The following BABAM2 variants were observed in gnomAD, a reference collection of about 807,000 sequenced individuals.
BABAM2 encodes BRISC and BRCA1-A complex member 2.
A neutral mutation model predicts 54.7 loss-of-function variants in BABAM2; 31 were observed. That is an observed-to-expected ratio of 0.57 (90% CI 0.43 to 0.77). The LOEUF (loss-of-function observed/expected upper bound fraction) is 0.77, where lower values mean the gene tolerates loss of function less well. Among genes scored for constraint, BABAM2 ranks in the 30% least tolerant of loss-of-function variants. The pLI is 0.00. For synonymous variants in BABAM2, 167 were observed against 162.9 expected (o/e 1.03, Z -0.19); for missense variants, 364 against 455.8 (o/e 0.80, Z 1.83).
At chr2:28,097,000 G>T (rs1386840537) in intron 6 of BABAM2, among the ~76,000 whole-genome samples, 1 of 152,132 alleles carries the variant, frequency 6.6e-6, no homozygotes, top group East Asian at 1.9e-4. Context: ...TCTGTGGGTT[G>T]GGATAGGCCA....
At chr2:28,026,824 ATATATATAAATATATATAAATATATATT>A (rs1330719737) in intron 5 of BABAM2, among the ~76,000 whole-genome samples, 22 of 66,304 alleles carry the variant, frequency 3.3e-4, no homozygotes, top group Admixed American at 1.8e-3. Context: ...ATATATATTT[ATATATATAAATATATATAAATATATATT>A]TATATATATA....
At chr2:27,962,031 C>G (rs1670511330) in intron 3 of BABAM2, among the ~76,000 whole-genome samples, 1 of 152,012 alleles carries the variant, frequency 6.6e-6, no homozygotes, top group East Asian at 1.9e-4. Flanking sequence ...TGCCTGGCCC[C>G]CCTTAATTAT....
intron 6 of BABAM2, among the ~76,000 whole-genome samples, chr2:28,077,833 C>T (rs1464900456): frequency 6.6e-6 from 1 of 152,082 alleles, no homozygotes; most frequent in African/African-American, 2.4e-5. Flanking sequence ...CAATGTTGAA[C>T]ATAGTTTTCA....
intron 11 of BABAM2, chr2:28,310,250 G>A: frequency 3.2e-6 from 4 of 1,242,778 alleles, no homozygotes; most frequent in Middle Eastern, 1.9e-4. Flanking sequence ...TGCCAATACA[G>A]CCCTCATCCC....
intron 5 of BABAM2, among the ~76,000 whole-genome samples, chr2:28,034,729 A>G (rs142667539): frequency 2.0e-5 from 3 of 152,312 alleles, no homozygotes; most frequent in African/African-American, 7.2e-5. Context: ...AAGGAAAGGC[A>G]ATAGGTTTAG....
At chr2:27,901,083 T>C (rs1413983666) in intron 2 of BABAM2, among the ~76,000 whole-genome samples, 1 of 151,732 alleles carries the variant, frequency 6.6e-6, no homozygotes, top group Non-Finnish European at 1.5e-5. Flanking sequence ...GTAAAGTGTA[T>C]TATCTAATAC....
At chr2:28,106,289 CATT>C in intron 6 of BABAM2, among the ~76,000 whole-genome samples, 1 of 152,212 alleles carries the variant, frequency 6.6e-6, no homozygotes, top group African/African-American at 2.4e-5. Flanking sequence ...CATTTATCAT[CATT>C]GTTATTTTTT....
At chr2:28,202,063 G>A (rs1037786737) in intron 7 of BABAM2, among the ~76,000 whole-genome samples, 4 of 152,116 alleles carry the variant, frequency 2.6e-5, no homozygotes, top group Admixed American at 6.5e-5. Flanking sequence ...TTTAGAACTG[G>A]GAGTGCTCAG....
chr2:28,291,630 A>G (rs1410086947), intron 10 of BABAM2, among the ~76,000 whole-genome samples: 2 of 152,318 alleles, frequency 1.3e-5, no homozygotes, highest in African/African-American at 2.4e-5. Context: ...ATTTGTTTAC[A>G]TGATCATATC....
chr2:28,151,940 G>T (rs762696233), intron 7 of BABAM2, among the ~76,000 whole-genome samples: 7 of 152,158 alleles, frequency 4.6e-5, no homozygotes, highest in Non-Finnish European at 1.0e-4. Flanking sequence ...CAGAGAGTGG[G>T]CAGGTTTGCA....
rs553403811 is a variant in BABAM2, at chr2:28,167,672, C to T, written c.680+38292C>T. On this transcript the variant is annotated intron_variant, in intron 7 of 11. Coordinates refer to ENST00000379624, the MANE Select transcript of BABAM2 (RefSeq NM_199191.3). ...TCACGCCACTACACTCCAGCCTGGGCGACAGAGCGAGACTCCATCTCAAAA... is the reference window on the plus strand; with the variant it reads ...TCACGCCACTACACTCCAGCCTGGGTGACAGAGCGAGACTCCATCTCAAAA... 8.1e-5 allele frequency among the ~76,000 whole-genome samples: 12 copies of T among 148,206 alleles called. No homozygotes were observed. The South Asian group carries it at 1.5e-3, about 18-fold the overall frequency.
At chr2:28,160,215 C>T (rs1672931802) in intron 7 of BABAM2, among the ~76,000 whole-genome samples, 1 of 152,136 alleles carries the variant, frequency 6.6e-6, no homozygotes, top group Non-Finnish European at 1.5e-5. Context: ...CTCCTGGCCT[C>T]AGGGGATCCT....
chr2:28,110,043 C>T (rs759651407), intron 6 of BABAM2, among the ~76,000 whole-genome samples: 1 of 152,126 alleles, frequency 6.6e-6, no homozygotes, highest in South Asian at 2.1e-4. Context: ...AATCATCCCC[C>T]TGGAAACCAC....
chr2:28,298,374 C>T lies in BABAM2; in HGVS notation c.971C>T (p.Thr324Ile). The stretch of plus-strand genomic sequence containing the variant: ...CTGTTTTTCCCTCGAGACCAGCCAA[C>T]TCTCACATTTCAGTCCGTTTATCAC... Reference protein sequence around the residue: ...LPLFFPRDQPTLTFQSVYHFT... With the variant: ...LPLFFPRDQPILTFQSVYHFT... The change falls in exon 11 of 12, where the codon ACT becomes ATT. Residue 324 changes from threonine (T) to isoleucine (I), a missense_variant. By Grantham distance (89) the Thr-to-Ile change is moderately conservative. Transcript: ENST00000379624. 4 of 1,614,154 alleles carry T rather than the reference C, an allele frequency of 2.5e-6. No homozygotes were observed. The highest frequency in any genetic ancestry group is 3.4e-6 in the Non-Finnish European group (4 of 1,180,010).
intron 5 of BABAM2, among the ~76,000 whole-genome samples, chr2:28,026,814 ATATATATTTAT>A (rs1675729588): frequency 1.1e-5 from 1 of 88,546 alleles, no homozygotes; most frequent in Non-Finnish European, 2.0e-5. Flanking sequence ...AAATATATAA[ATATATATTTAT>A]ATATATAAAT....
At chr2:27,917,298 G>A (rs887078099) in intron 2 of BABAM2, among the ~76,000 whole-genome samples, 5 of 152,150 alleles carry the variant, frequency 3.3e-5, no homozygotes, top group Non-Finnish European at 5.9e-5. Flanking sequence ...TTATAGGCGT[G>A]AGCCACCACG....
chr2:27,916,264 G>A (rs995899477), intron 2 of BABAM2, among the ~76,000 whole-genome samples: 3 of 148,142 alleles, frequency 2.0e-5, no homozygotes, highest in African/African-American at 4.9e-5. Context: ...TTGGATCAAG[G>A]CATAAAAACA....
chr2:28,067,482 A>C (rs921774627), intron 6 of BABAM2, among the ~76,000 whole-genome samples: 16 of 152,134 alleles, frequency 1.1e-4, no homozygotes, highest in African/African-American at 3.9e-4. Context: ...CTATCTGTTG[A>C]AATCTTACCC....
intron 10 of BABAM2, among the ~76,000 whole-genome samples, chr2:28,265,360 G>A (rs1347798982): frequency 6.6e-6 from 1 of 152,196 alleles, no homozygotes; most frequent in African/African-American, 2.4e-5. Flanking sequence ...ACGGGAGGTG[G>A]AGGTTGTAGT....
Sources: allele counts gnomAD v4.1 joint callset (sites outside exome capture counted in the v4.1 genomes callset), GRCh38; gene constraint gnomAD v4.1.1; transcripts MANE v1.5; gene names NCBI Gene and HGNC (gene_info 2026-07-23, HGNC 2026-07-21).